Variants in OTOG observed in about 807,000 individuals in gnomAD.
OTOG encodes the protein otogelin.
In OTOG, 296 loss-of-function variants were observed where a neutral mutation model predicts 313.8. The observed-to-expected ratio is 0.94, with a 90% CI of 0.86 to 1.04. OTOG has a LOEUF of 1.04. Among genes scored for constraint, OTOG ranks in the 50% least tolerant of loss-of-function variants. The pLI, the probability that OTOG is intolerant of heterozygous loss-of-function variation, is 0.00. For synonymous variants in OTOG, 1,533 were observed against 1,554.9 expected, an observed-to-expected ratio of 0.99 and a Z score of 0.33; for missense variants, 3,948 against 3,840.1, an observed-to-expected ratio of 1.03 and a Z score of -0.74.
chr11:17,637,963 G>A lies in OTOG; in HGVS notation c.7796-488G>A, dbSNP rs140052809. Among the ~76,000 whole-genome samples, 645 of 152,290 alleles carry A rather than the reference G, an allele frequency of 4.2e-3. 3 individuals carry two copies. The highest frequency in any genetic ancestry group is 0.015 in the African/African-American group (621 of 41,554). ...CTTGTTCTCCCAGCAAATGAGAATG[G>A]CTGAGGAATCCTGAACTGAGAAAAG... On this transcript the variant is annotated intron_variant, in intron 47 of 55. Coordinates refer to ENST00000399397, the MANE Select transcript of OTOG (RefSeq NM_001292063.2).
intron 32 of OTOG, among the ~76,000 whole-genome samples, chr11:17,605,536 G>A (rs1388059314): frequency 6.6e-6 from 1 of 152,190 alleles, no homozygotes; most frequent in Non-Finnish European, 1.5e-5. Context: ...TACATTGAGG[G>A]CACTCAAACA....
chr11:17,585,630 C>T (rs1213297160), intron 23 of OTOG, among the ~76,000 whole-genome samples: 2 of 152,154 alleles, frequency 1.3e-5, no homozygotes, highest in Non-Finnish European at 1.5e-5. Context: ...GATATGCTGG[C>T]CACTTCAGAA....
rs981684935 is a variant in OTOG, at chr11:17,561,815, C to G, written c.1644+8C>G. The G allele has an allele frequency of 8.4e-6, 13 of 1,549,990 alleles. No individual in the cohort carries two copies. The highest frequency in any genetic ancestry group is 1.0e-5 in the Non-Finnish European group (12 of 1,146,864). ...AATGCCCCATGTGGCCTGGTAAGAG[C>G]TGGGGATCCCCAGGCCCGATCCACC... On this transcript the variant is annotated splice_region_variant and intron_variant, in intron 15 of 55. Transcript: ENST00000399397.
At chr11:17,555,640 A>G in intron 6 of OTOG, 139 bp from the exon 7 acceptor site, 4 of 651,412 alleles carry the variant, frequency 6.1e-6, no homozygotes, top group Non-Finnish European at 1.1e-5. Context: ...ATGTATGGGG[A>G]CTGAGCGAGA....
At chr11:17,619,192 G>T (rs1590047418) in intron 39 of OTOG, among the ~76,000 whole-genome samples, 1 of 152,266 alleles carries the variant, frequency 6.6e-6, no homozygotes, top group East Asian at 1.9e-4. Flanking sequence ...AATCACCTGG[G>T]CCCAGGAAGT....
At chr11:17,618,086 A>G (rs1853770223) in intron 39 of OTOG, among the ~76,000 whole-genome samples, 1 of 152,016 alleles carries the variant, frequency 6.6e-6, no homozygotes, top group Non-Finnish European at 1.5e-5. Context: ...TATTTTTAGT[A>G]GAGACGGGGT....
intron 13 of OTOG, 106 bp downstream of exon 13, chr11:17,560,923 C>G (rs1990180): frequency 2.5e-6 from 3 of 1,207,734 alleles, no homozygotes; most frequent in Non-Finnish European, 2.4e-6. Context: ...GGCACTCACT[C>G]AGTACCTTTG....
At chr11:17,613,263 CTT>C (rs1491267716) in intron 38 of OTOG, among the ~76,000 whole-genome samples, 11 of 139,146 alleles carry the variant, frequency 7.9e-5, no homozygotes, top group East Asian at 6.4e-4. Context: ...TTCTTTCTTT[CTT>C]TCTCTCTCTG....
intron 14 of OTOG, 47 bp downstream of exon 14, chr11:17,561,184 A>T (rs1214597962): frequency 6.5e-7 from 1 of 1,548,270 alleles, no homozygotes; most frequent in Non-Finnish European, 8.7e-7. Context: ...TACCAGTCTG[A>T]TAGGTTTTGG....
At chr11:17,560,859 G>T in intron 13 of OTOG, 42 bp downstream of exon 13, 1 of 1,488,040 alleles carries the variant, frequency 6.7e-7, no homozygotes, top group Non-Finnish European at 9.2e-7. Context: ...GGGCATGGCC[G>T]CTGAGGCTTT....
chr11:17,572,086 A>G lies in OTOG; in HGVS notation c.1962A>G (p.Pro654=). Residue 654 remains proline, a synonymous_variant, in exon 18 of 56, where the codon CCA becomes CCG. Coordinates refer to ENST00000399397, the MANE Select transcript of OTOG (RefSeq NM_001292063.2). ...NGNTQDDFLS[P]VGVPESTPQL... is the part of the protein sequence containing the mutation. The stretch of plus-strand genomic sequence containing the variant: ...GGCTGTGACATGGCTGCAGGTCTCC[A>G]GTGGGTGTACCTGAGAGCACCCCAC... 6.4e-7 allele frequency: 1 copy of G among 1,550,426 alleles called. No homozygotes were observed. Among genetic ancestry groups the G allele is most frequent in the Non-Finnish European group, 8.7e-7 (1 of 1,146,936 alleles).
intron 5 of OTOG, 40 bp from the exon 6 acceptor site, chr11:17,553,325 A>C: frequency 6.7e-7 from 1 of 1,489,290 alleles, no homozygotes; most frequent in Non-Finnish European, 9.0e-7. Context: ...CTTGGTGCCC[A>C]CTGTAGCTAC....
At position 17,642,229 on chromosome 11, in the gene OTOG, G is replaced by A. The variant is rs1328660790; in HGVS notation, c.8398G>A (p.Glu2800Lys). The A allele has an allele frequency of 1.3e-5, 20 of 1,549,642 alleles. No homozygotes were observed. The highest frequency in any genetic ancestry group is 1.7e-5 in the Non-Finnish European group (19 of 1,146,520). ...TCCCATAAGCTGCCCACCGCTCAAT[G>A]AGACTGAGTGTGCCAAGGTCAGTGC... is the stretch of plus-strand genomic sequence containing the variant. Reference protein sequence around the residue: ...RSPISCPPLNETECAKVGGSV... With the variant: ...RSPISCPPLNKTECAKVGGSV... The change falls in exon 53 of 56, where the codon GAG becomes AAG. Residue 2800 changes from glutamate (E) to lysine (K), a missense_variant. Physicochemically the swap from Glu to Lys is moderately conservative, Grantham distance 56. Coordinates refer to ENST00000399397, the MANE Select transcript of OTOG (RefSeq NM_001292063.2).
chr11:17,638,319 G>A (rs1847896798), intron 47 of OTOG, 132 bp from the exon 48 acceptor site: 1 of 756,496 alleles, frequency 1.3e-6, no homozygotes, highest in African/African-American at 1.8e-5. Flanking sequence ...CTCTTCCCTG[G>A]GGCTCTGAGG....
At chr11:17,620,461 A>G (rs975853115) in intron 39 of OTOG, among the ~76,000 whole-genome samples, 2 of 152,212 alleles carry the variant, frequency 1.3e-5, no homozygotes, top group African/African-American at 2.4e-5. Flanking sequence ...CATTGTATGT[A>G]TATACCACAG....
chr11:17,560,679 G>C, intron 12 of OTOG, 30 bp from the exon 13 acceptor site: 2 of 1,483,078 alleles, frequency 1.3e-6, no homozygotes, highest in South Asian at 2.4e-5. Flanking sequence ...GGGCAAAGGT[G>C]AGTTAATTGG....
Position 17,573,109 on chromosome 11 carries a change from C to G in OTOG, c.2112C>G (p.Leu704=), listed in dbSNP as rs544471786. The change falls in exon 19 of 56, where the codon CTC becomes CTG. Residue 704 remains leucine (L), a synonymous_variant. Transcript: ENST00000399397. ...ACTCAGTGCAGGCCTGCAGCGTGCT[C>G]ACGGGGGAGATGTTTGCGCCCTGCT... is the stretch of plus-strand genomic sequence containing the variant. The part of the protein sequence containing the change: ...ASYSVQACSV[L]TGEMFAPCSA... The G allele has an allele frequency of 2.0e-5, 31 of 1,548,352 alleles. No individual in the cohort carries two copies. In the African/African-American group the frequency reaches 4.0e-4, roughly 20 times the overall value.
In OTOG at chr11:17,569,105, C is replaced by T. The variant is rs199941597; in HGVS notation, c.1645-51C>T. 2.8e-4 allele frequency: 435 copies of T among 1,547,398 alleles called. 2 individuals are homozygous for T. Among genetic ancestry groups the T allele is most frequent in the Middle Eastern group, 7.3e-4 (4 of 5,488 alleles). On this transcript the variant is annotated intron_variant, in intron 15 of 55. Coordinates refer to ENST00000399397, the MANE Select transcript of OTOG (RefSeq NM_001292063.2). ...TGTCCCTAGAGGGCTCTGTTGTATC[C>T]AGCAGGAGGGTCAGACCAACACTGC...
chr11:17,582,767 G>C (rs889762798), intron 23 of OTOG, among the ~76,000 whole-genome samples: 1 of 152,126 alleles, frequency 6.6e-6, no homozygotes, highest in Non-Finnish European at 1.5e-5. Flanking sequence ...TCTTTGTGAA[G>C]TGTCTGTTCT....
Sources: allele counts gnomAD v4.1 joint callset (sites outside exome capture counted in the v4.1 genomes callset), GRCh38; gene constraint gnomAD v4.1.1; transcripts MANE v1.5; gene names NCBI Gene and HGNC (gene_info 2026-07-23, HGNC 2026-07-21).